Variants in EXOC4 observed in about 807,000 individuals in gnomAD.
The protein encoded by EXOC4 is exocyst complex component 4.
A neutral mutation model predicts 107.2 loss-of-function variants in EXOC4; 71 were observed. That is an observed-to-expected ratio of 0.66 (90% CI 0.55 to 0.81). The LOEUF is 0.81. Ranked by LOEUF, EXOC4 falls within the 30% of genes least tolerant of loss-of-function variation. EXOC4 has a pLI of 0.00. For missense variants in EXOC4, 1,108 were observed against 1,189.6 expected (o/e 0.93, Z 1.01); for synonymous variants, 456 against 441.2 (o/e 1.03, Z -0.42).
At chr7:133,253,665 C>T (rs981833795) in intron 1 of EXOC4, 1 of 257,380 alleles carries the variant, frequency 3.9e-6, no homozygotes, top group Non-Finnish European at 6.1e-6. Flanking sequence ...ACCACCTGTG[C>T]GTGGCCACAG....
chr7:134,082,919 A>G, the EXOC4 span, among the ~76,000 whole-genome samples: 1 of 152,216 alleles, frequency 6.6e-6, no homozygotes, highest in Non-Finnish European at 1.5e-5. Flanking sequence ...TGACAAGGTC[A>G]TGCAAATGGA....
chr7:133,285,835 C>T (rs953501729), intron 2 of EXOC4, among the ~76,000 whole-genome samples: 1 of 151,396 alleles, frequency 6.6e-6, no homozygotes, highest in African/African-American at 2.4e-5. Flanking sequence ...TCATGCCTCT[C>T]TGCAGTCTCA....
intron 10 of EXOC4, among the ~76,000 whole-genome samples, chr7:133,650,767 A>T (rs980043804): frequency 2.0e-5 from 3 of 152,148 alleles, no homozygotes; most frequent in Admixed American, 2.0e-4. Flanking sequence ...CCTGCTGGAT[A>T]TTCACTGTTT....
chr7:133,568,472 T>A (rs559561430), intron 9 of EXOC4, among the ~76,000 whole-genome samples: 1 of 152,344 alleles, frequency 6.6e-6, no homozygotes, highest in African/African-American at 2.4e-5. Context: ...AATTTTAAAA[T>A]AACTTTTATA....
chr7:133,835,477 T>TC (rs1347042170), intron 11 of EXOC4, among the ~76,000 whole-genome samples: 1 of 152,196 alleles, frequency 6.6e-6, no homozygotes, highest in African/African-American at 2.4e-5. Context: ...AGGGTTGCAT[T>TC]CTTTTGAGTT....
chr7:133,982,889 AG>A (rs1403648320), intron 14 of EXOC4, among the ~76,000 whole-genome samples: 3 of 152,358 alleles, frequency 2.0e-5, no homozygotes, highest in African/African-American at 7.2e-5. Flanking sequence ...ATTATGTGTT[AG>A]GGATACAAAG....
At chr7:133,525,416 C>A (rs1800060907) in intron 9 of EXOC4, among the ~76,000 whole-genome samples, 1 of 152,174 alleles carries the variant, frequency 6.6e-6, no homozygotes, top group Non-Finnish European at 1.5e-5. Context: ...TATTTCAGAA[C>A]AGAACAATTG....
At chr7:133,970,718 T>C (rs1014329343) in intron 14 of EXOC4, among the ~76,000 whole-genome samples, 26 of 152,008 alleles carry the variant, frequency 1.7e-4, no homozygotes, top group African/African-American at 6.0e-4. Flanking sequence ...GTTACCTCAG[T>C]TGGAAATGCA....
rs2116894638 is a variant in EXOC4, at chr7:133,976,138, A to T, written c.2207-21354A>T. On this transcript the variant is annotated intron_variant, in intron 14 of 17. Transcript: ENST00000253861. ...TAGAATGACTTAATGGTCATCAGAG[A>T]TGTTAAGGACCACAAAATGCAGTGT... is the stretch of plus-strand genomic sequence containing the variant. Among the ~76,000 whole-genome samples, 4 of 152,328 alleles carry T rather than the reference A, an allele frequency of 2.6e-5. No homozygotes were observed. In the Middle Eastern group the frequency reaches 0.01, roughly 389 times the overall value.
chr7:133,990,719 G>C (rs577638081), intron 14 of EXOC4, among the ~76,000 whole-genome samples: 1 of 152,156 alleles, frequency 6.6e-6, no homozygotes, highest in Non-Finnish European at 1.5e-5. Context: ...CTCCTGAAGC[G>C]CTGGGATTAC....
At chr7:133,386,495 G>T (rs1339757430) in intron 7 of EXOC4, among the ~76,000 whole-genome samples, 1 of 152,152 alleles carries the variant, frequency 6.6e-6, no homozygotes, top group Non-Finnish European at 1.5e-5. Context: ...TTGCCTGTTT[G>T]TCACTCCACT....
At chr7:133,327,300 C>T (rs1005522283) in intron 5 of EXOC4, among the ~76,000 whole-genome samples, 4 of 152,226 alleles carry the variant, frequency 2.6e-5, no homozygotes, top group African/African-American at 9.6e-5. Context: ...TTCTGCGTCA[C>T]TCATGCTGTG....
downstream of EXOC4, among the ~76,000 whole-genome samples, chr7:134,071,456 T>G (rs990284966): frequency 2.6e-5 from 4 of 152,212 alleles, no homozygotes; most frequent in East Asian, 1.9e-4. Flanking sequence ...ATCTCAAGCT[T>G]CTTTTTATAT....
At chr7:133,874,129 A>G (rs1194795061) in intron 11 of EXOC4, among the ~76,000 whole-genome samples, 1 of 152,190 alleles carries the variant, frequency 6.6e-6, no homozygotes, top group African/African-American at 2.4e-5. Flanking sequence ...GGCTGGAGAT[A>G]TCACCATGGT....
At chr7:133,308,685 G>A (rs1056146708) in intron 4 of EXOC4, among the ~76,000 whole-genome samples, 2 of 152,102 alleles carry the variant, frequency 1.3e-5, no homozygotes, top group Non-Finnish European at 2.9e-5. Context: ...TGGTCTGCAA[G>A]TTGAAAGAAT....
At chr7:133,343,699 C>T (rs764620050) in intron 5 of EXOC4, among the ~76,000 whole-genome samples, 4 of 150,716 alleles carry the variant, frequency 2.7e-5, no homozygotes, top group African/African-American at 9.8e-5. Context: ...TGGCTTTTCG[C>T]ATCCCTCATC....
intron 17 of EXOC4, among the ~76,000 whole-genome samples, chr7:134,029,615 G>T (rs1291764289): frequency 6.6e-6 from 1 of 152,140 alleles, no homozygotes; most frequent in Non-Finnish European, 1.5e-5. Context: ...CACCTCCTGG[G>T]CTCAAGTGAT....
At chr7:133,990,262 T>C (rs958026338) in intron 14 of EXOC4, among the ~76,000 whole-genome samples, 1 of 143,296 alleles carries the variant, frequency 7.0e-6, no homozygotes, top group Non-Finnish European at 1.5e-5. Flanking sequence ...TTAACTAACT[T>C]TCCCCTCCCC....
At chr7:133,351,931 C>A (rs1149563) in intron 5 of EXOC4, among the ~76,000 whole-genome samples, 97,701 of 151,694 alleles carry the variant, frequency 0.64, 34,055 homozygotes, top group East Asian at 0.84. Context: ...GAGGTTTCTT[C>A]TTTGATACAT....
Sources: gnomAD v4.1 joint callset for allele counts (sites outside exome capture counted in the v4.1 genomes callset) on GRCh38, gnomAD v4.1.1 for gene constraint, MANE v1.5 for transcripts, NCBI Gene and HGNC (gene_info 2026-07-23, HGNC 2026-07-21) for gene names.